Variants in BHMT observed in about 807,000 individuals in gnomAD.
The protein encoded by BHMT is betaine--homocysteine S-methyltransferase.
In BHMT, 38 loss-of-function variants were observed where a neutral mutation model predicts 49.5. The ratio of observed to expected loss-of-function variants is 0.77; its 90% CI spans 0.59 to 1.01. The LOEUF is 1.01. Ranked by LOEUF, BHMT falls within the 50% of genes least tolerant of loss-of-function variation. The pLI is 0.00. For missense variants in BHMT, 426 were observed against 495.7 expected, an observed-to-expected ratio of 0.86 and a Z score of 1.34; for synonymous variants, 166 against 176.3, an observed-to-expected ratio of 0.94 and a Z score of 0.46.
chr5:79,123,342 T>C (rs989254428), intron 5 of BHMT, among the ~76,000 whole-genome samples: 2 of 152,162 alleles, frequency 1.3e-5, no homozygotes, highest in South Asian at 2.1e-4. Flanking sequence ...CACCTGCCAC[T>C]CACCACTGGA....
At chr5:79,129,851 G>C (rs910914747) in intron 7 of BHMT, among the ~76,000 whole-genome samples, 1 of 152,028 alleles carries the variant, frequency 6.6e-6, no homozygotes, top group Admixed American at 6.6e-5. Context: ...AATTTTCCCT[G>C]TACATATATT....
At chr5:79,121,497 G>A in intron 5 of BHMT, 132 bp downstream of exon 5, 1 of 1,282,020 alleles carries the variant, frequency 7.8e-7, no homozygotes, top group Non-Finnish European at 1.0e-6. Context: ...TAAGAATATT[G>A]ATATTATTGA....
In BHMT at chr5:79,131,119, T is replaced by C; in HGVS notation, c.*3T>C. ...AACAAAAATTCAAATCACAGTAGCC[T>C]CGATAGAAGCTATTTTTGATGAATT... On this transcript the variant is annotated 3_prime_UTR_variant, in exon 8 of 8. Transcript: ENST00000274353. 1 of 1,605,540 alleles carries C rather than the reference T, an allele frequency of 6.2e-7. No homozygotes were observed. The highest frequency in any genetic ancestry group is 8.5e-7 in the Non-Finnish European group (1 of 1,176,068).
intron 6 of BHMT, among the ~76,000 whole-genome samples, chr5:79,126,841 G>A (rs944428322): frequency 3.3e-5 from 5 of 152,134 alleles, no homozygotes; most frequent in East Asian, 1.9e-4. Context: ...TGGGAAGAGC[G>A]GGTGGGTTGA....
At chr5:79,115,179 A>G (rs1756367375) in intron 1 of BHMT, among the ~76,000 whole-genome samples, 1 of 152,122 alleles carries the variant, frequency 6.6e-6, no homozygotes, top group South Asian at 2.1e-4. Flanking sequence ...AAATGGCTTA[A>G]TAGCATTGCT....
In BHMT at chr5:79,121,322, T is replaced by C; in HGVS notation, c.582T>C (p.His194=). ...TMCIGPEGDL[H]GVPPGECAVR... is the part of the protein sequence containing the mutation. Reference sequence around the variant, plus strand: ...GCATTGGCCCAGAAGGAGATTTGCATGGCGTGCCCCCCGGCGAGTGTGCAG... The same window carrying C: ...GCATTGGCCCAGAAGGAGATTTGCACGGCGTGCCCCCCGGCGAGTGTGCAG... The change falls in exon 5 of 8, where the codon CAT becomes CAC. Residue 194 remains histidine (H), a synonymous_variant. Coordinates refer to ENST00000274353, the MANE Select transcript of BHMT (RefSeq NM_001713.3). 6.2e-7 allele frequency: 1 copy of C among 1,614,186 alleles called. No homozygotes were observed. The highest frequency in any genetic ancestry group is 8.5e-7 in the Non-Finnish European group (1 of 1,180,010).
Position 79,126,423 on chromosome 5 carries a change from C to G in BHMT, c.808+195C>G. 5.4e-6 allele frequency: 3 copies of G among 556,228 alleles called. No individual in the cohort carries two copies. In the South Asian group the frequency reaches 7.9e-5, roughly 15 times the overall value. 34.5% of individuals were successfully genotyped at this position (556,228 alleles called of 1,614,324 possible). ...GAAGAGCAGAAGGAAAGGATGGTCC[C>G]AGCTAGCAAAAAAGATCTCTGAATT... On this transcript the variant is annotated intron_variant, in intron 6 of 7. Coordinates refer to ENST00000274353, the MANE Select transcript of BHMT (RefSeq NM_001713.3).
chr5:79,129,746 G>A (rs1438621685), intron 7 of BHMT, among the ~76,000 whole-genome samples: 1 of 152,164 alleles, frequency 6.6e-6, no homozygotes, highest in Non-Finnish European at 1.5e-5. Context: ...GTTATCCAGG[G>A]TTTGGGGAAG....
At chr5:79,125,102 C>A (rs548439127) in intron 5 of BHMT, among the ~76,000 whole-genome samples, 12 of 151,966 alleles carry the variant, frequency 7.9e-5, no homozygotes, top group Non-Finnish European at 1.5e-4. Flanking sequence ...TAATGTCCAA[C>A]GTTGAAAGTT....
chr5:79,126,236 C>A lies in BHMT; in HGVS notation c.808+8C>A. 6.2e-7 allele frequency: 1 copy of A among 1,612,602 alleles called. No homozygotes were observed. Among genetic ancestry groups the A allele is most frequent in the Non-Finnish European group, 8.5e-7 (1 of 1,178,918 alleles). ...TCCCAGAATTCCCATTTGGTAAGAC[C>A]AACATTTGATGAATCATCTCAATAT... On this transcript the variant is annotated splice_region_variant and intron_variant, in intron 6 of 7. Coordinates refer to ENST00000274353, the MANE Select transcript of BHMT (RefSeq NM_001713.3).
intron 1 of BHMT, among the ~76,000 whole-genome samples, chr5:79,114,388 A>G (rs1443537578): frequency 6.6e-6 from 1 of 152,086 alleles, no homozygotes; most frequent in African/African-American, 2.4e-5. Context: ...TGAAATGTCA[A>G]TTGTTTCCTC....
At chr5:79,120,111 C>T (rs1050397091) in intron 3 of BHMT, among the ~76,000 whole-genome samples, 1 of 152,168 alleles carries the variant, frequency 6.6e-6, no homozygotes, top group Non-Finnish European at 1.5e-5. Context: ...CTTTTACCAT[C>T]TCACACATCT....
intron 2 of BHMT, among the ~76,000 whole-genome samples, chr5:79,118,920 G>A (rs1223491471): frequency 1.3e-5 from 2 of 152,212 alleles, no homozygotes; most frequent in Non-Finnish European, 2.9e-5. Flanking sequence ...TGGACAGACT[G>A]TGAAGTTGTC....
At chr5:79,123,986 T>C (rs6860725) in intron 5 of BHMT, among the ~76,000 whole-genome samples, 115,601 of 152,036 alleles carry the variant, frequency 0.76, 44,723 homozygotes, top group East Asian at 0.91. Context: ...AAACATGCCA[T>C]AACAGGGATG....
intron 2 of BHMT, among the ~76,000 whole-genome samples, chr5:79,116,718 A>AT (rs1398528203): frequency 6.6e-6 from 1 of 152,248 alleles, no homozygotes; most frequent in African/African-American, 2.4e-5. Flanking sequence ...CCATGTACAT[A>AT]TATAATCATG....
intron 6 of BHMT, among the ~76,000 whole-genome samples, chr5:79,127,283 G>T (rs1756567859): frequency 6.6e-6 from 1 of 152,192 alleles, no homozygotes; most frequent in Admixed American, 6.5e-5. Flanking sequence ...CTTGCTGTCT[G>T]TTGACTGGGG....
chr5:79,130,341 G>A (rs1194816933), intron 7 of BHMT, among the ~76,000 whole-genome samples: 1 of 152,158 alleles, frequency 6.6e-6, no homozygotes, highest in Non-Finnish European at 1.5e-5. Flanking sequence ...TTACATCAAA[G>A]GGCACCTTCT....
intron 5 of BHMT, among the ~76,000 whole-genome samples, chr5:79,123,384 C>G (rs1756501502): frequency 1.3e-5 from 2 of 152,212 alleles, no homozygotes; most frequent in African/African-American, 4.8e-5. Context: ...CTCTGCTGCT[C>G]CTGGGAGCTG....
intron 5 of BHMT, among the ~76,000 whole-genome samples, chr5:79,125,197 C>G (rs1159438892): frequency 6.6e-6 from 1 of 152,060 alleles, no homozygotes; most frequent in Non-Finnish European, 1.5e-5. Context: ...GTGGCTCACA[C>G]CTGTAATCCC....
Sources: gnomAD v4.1 joint callset for allele counts (sites outside exome capture counted in the v4.1 genomes callset) on GRCh38, gnomAD v4.1.1 for gene constraint, MANE v1.5 for transcripts, NCBI Gene and HGNC (gene_info 2026-07-23, HGNC 2026-07-21) for gene names.